Variants in STXBP5L observed in about 807,000 individuals in gnomAD.
STXBP5L encodes the protein syntaxin binding protein 5L.
Under a neutral mutation model 144.5 loss-of-function variants are expected in STXBP5L, and 65 were observed. That is an observed-to-expected ratio of 0.45 (90% CI 0.37 to 0.55). The LOEUF is 0.55. STXBP5L is among the 20% of genes least tolerant of loss of function. STXBP5L has a pLI of 0.00. For synonymous variants in STXBP5L, 505 were observed against 469.6 expected, an observed-to-expected ratio of 1.08 and a Z score of -0.97; for missense variants, 1,298 against 1,405.5, an observed-to-expected ratio of 0.92 and a Z score of 1.22.
At chr3:121,240,379 C>A (rs567905480) in intron 13 of STXBP5L, 61 bp from the exon 14 acceptor site, 1 of 1,461,934 alleles carries the variant, frequency 6.8e-7, no homozygotes, top group Non-Finnish European at 9.4e-7. Context: ...AAGCTATTTT[C>A]ATTTTAAATT....
chr3:121,267,817 C>T (rs2050618790), intron 18 of STXBP5L, among the ~76,000 whole-genome samples: 1 of 152,178 alleles, frequency 6.6e-6, no homozygotes, highest in Non-Finnish European at 1.5e-5. Context: ...AGCTCATCAT[C>T]ACTGGTCATT....
chr3:120,909,893 G>T, intron 2 of STXBP5L, 126 bp downstream of exon 2: 1 of 992,066 alleles, frequency 1.0e-6, no homozygotes, highest in Non-Finnish European at 1.5e-6. Context: ...GCTGCAGAAA[G>T]CTCTGTGGGT....
At chr3:121,396,732 G>A (rs1012851261) in intron 22 of STXBP5L, among the ~76,000 whole-genome samples, 1 of 152,226 alleles carries the variant, frequency 6.6e-6, no homozygotes, top group African/African-American at 2.4e-5. Flanking sequence ...AATTGTGAAA[G>A]TGTCTAGCAT....
chr3:121,213,901 T>A (rs534806136), intron 10 of STXBP5L, among the ~76,000 whole-genome samples: 3 of 151,148 alleles, frequency 2.0e-5, no homozygotes, highest in Non-Finnish European at 4.4e-5. Context: ...ACTTATTTGT[T>A]CAGGGATTTG....
At chr3:121,361,694 T>G (rs1173009306) in intron 20 of STXBP5L, among the ~76,000 whole-genome samples, 1 of 152,068 alleles carries the variant, frequency 6.6e-6, no homozygotes, top group Non-Finnish European at 1.5e-5. Context: ...ATTCCTTCCC[T>G]ATGTTATCTC....
At chr3:121,215,182 G>T (rs936544406) in intron 10 of STXBP5L, among the ~76,000 whole-genome samples, 1 of 151,992 alleles carries the variant, frequency 6.6e-6, no homozygotes, top group Non-Finnish European at 1.5e-5. Flanking sequence ...TCTTTTAACT[G>T]GGGCATTTAG....
At chr3:120,908,808 G>A (rs1559863412) in intron 1 of STXBP5L, among the ~76,000 whole-genome samples, 2 of 150,374 alleles carry the variant, frequency 1.3e-5, no homozygotes, top group Admixed American at 6.6e-5. Context: ...GAGGTGGAGG[G>A]AGGGGAGCAG....
At chr3:120,974,425 G>T (rs1183991970) in intron 3 of STXBP5L, among the ~76,000 whole-genome samples, 1 of 149,752 alleles carries the variant, frequency 6.7e-6, no homozygotes, top group Non-Finnish European at 1.5e-5. Context: ...TGAGTTCATT[G>T]TAGATTCTGG....
At chr3:121,303,760 C>T (rs1468422620) in intron 19 of STXBP5L, among the ~76,000 whole-genome samples, 1 of 152,026 alleles carries the variant, frequency 6.6e-6, no homozygotes, top group Non-Finnish European at 1.5e-5. Context: ...CCATCATTCT[C>T]AGCAAACTAT....
chr3:121,045,675 GTTTTC>G (rs1947469603), intron 5 of STXBP5L, 140 bp downstream of exon 5: 1 of 771,822 alleles, frequency 1.3e-6, no homozygotes, highest in South Asian at 2.0e-5. Flanking sequence ...CTTTCATAGT[GTTTTC>G]TTTTTTGTAG....
chr3:120,919,587 T>A (rs556529375), intron 2 of STXBP5L, among the ~76,000 whole-genome samples: 9 of 152,134 alleles, frequency 5.9e-5, no homozygotes, highest in African/African-American at 2.2e-4. Context: ...CAGTTTCATC[T>A]TAACCAAAAC....
chr3:120,936,435 T>A (rs1045240745), intron 2 of STXBP5L, among the ~76,000 whole-genome samples: 1 of 152,174 alleles, frequency 6.6e-6, no homozygotes, highest in Non-Finnish European at 1.5e-5. Context: ...GGGACTGAGA[T>A]ACATAGGCTT....
chr3:121,187,995 A>T (rs2047471964), intron 9 of STXBP5L, among the ~76,000 whole-genome samples: 1 of 152,218 alleles, frequency 6.6e-6, no homozygotes, highest in Admixed American at 6.5e-5. Flanking sequence ...ACTATCTTAA[A>T]TATATATGCA....
At chr3:120,982,690 G>A (rs1389667613) in intron 3 of STXBP5L, among the ~76,000 whole-genome samples, 1 of 152,214 alleles carries the variant, frequency 6.6e-6, no homozygotes, top group Non-Finnish European at 1.5e-5. Flanking sequence ...TGTATATAGA[G>A]GGGGAGTGGC....
At chr3:121,128,214 C>G (rs553039451) in intron 7 of STXBP5L, among the ~76,000 whole-genome samples, 1 of 151,840 alleles carries the variant, frequency 6.6e-6, no homozygotes, top group African/African-American at 2.4e-5. Context: ...ATTTTGGATT[C>G]GGTGCTTTGG....
chr3:120,973,425 A>G lies in STXBP5L; in HGVS notation c.287+18388A>G, dbSNP rs548948404. Among the ~76,000 whole-genome samples the G allele has an allele frequency of 2.6e-5, 4 of 152,066 alleles. No homozygotes were observed. The East Asian group carries it at 7.7e-4, about 29-fold the overall frequency. On this transcript the variant is annotated intron_variant, in intron 3 of 26. Coordinates refer to ENST00000471454, the MANE Select transcript of STXBP5L (RefSeq NM_001308330.2). Reference sequence around the variant, plus strand: ...TATAATGTCAGTTGTAATGTCAGAAATTGCCATTTCTAATTATGCTTATTT... The same window carrying G: ...TATAATGTCAGTTGTAATGTCAGAAGTTGCCATTTCTAATTATGCTTATTT...
intron 20 of STXBP5L, among the ~76,000 whole-genome samples, chr3:121,365,996 T>C (rs1270120212): frequency 6.6e-6 from 1 of 151,996 alleles, no homozygotes; most frequent in Non-Finnish European, 1.5e-5. Context: ...TATTTTCTAA[T>C]TTTCATCCTG....
At chr3:121,000,753 A>G (rs185556681) in intron 3 of STXBP5L, among the ~76,000 whole-genome samples, 5 of 152,234 alleles carry the variant, frequency 3.3e-5, no homozygotes, top group African/African-American at 1.2e-4. Context: ...TGTTCCTTTA[A>G]TCTTTGAAGT....
chr3:121,411,176 T>G (rs1235059747), intron 23 of STXBP5L, among the ~76,000 whole-genome samples: 1 of 152,116 alleles, frequency 6.6e-6, no homozygotes, highest in Non-Finnish European at 1.5e-5. Context: ...ACAGCACATC[T>G]CAATTCAGAC....
Sources: gnomAD v4.1 joint callset for allele counts (sites outside exome capture counted in the v4.1 genomes callset) on GRCh38, gnomAD v4.1.1 for gene constraint, MANE v1.5 for transcripts, NCBI Gene and HGNC (gene_info 2026-07-23, HGNC 2026-07-21) for gene names.